The following SAMD5 variants were observed in gnomAD, a reference collection of about 807,000 sequenced individuals.
The protein encoded by SAMD5 is sterile alpha motif domain containing 5.
A neutral mutation model predicts 11.3 loss-of-function variants in SAMD5; 13 were observed. That is an observed-to-expected ratio of 1.15 (90% CI 0.75 to 1.83). SAMD5 has a LOEUF of 1.83. Among genes scored for constraint, SAMD5 ranks in the 40% most tolerant of loss-of-function variants. The pLI, the probability that SAMD5 is intolerant of heterozygous loss-of-function variation, is 0.00. For missense variants in SAMD5, 255 were observed against 239.1 expected (o/e 1.07, Z -0.44); for synonymous variants, 129 against 111.3 (o/e 1.16, Z -1.00).
chr6:147,596,703 T>C (rs1042794061), intron 1 of SAMD5, among the ~76,000 whole-genome samples: 1 of 152,210 alleles, frequency 6.6e-6, no homozygotes, highest in Non-Finnish European at 1.5e-5. Flanking sequence ...CCACACTTCA[T>C]AAACAATATT....
At chr6:147,819,490 G>A in the SAMD5 span, among the ~76,000 whole-genome samples, 148 of 152,342 alleles carry the variant, frequency 9.7e-4, 1 homozygote, top group African/African-American at 3.5e-3. Flanking sequence ...GCTTTTAGCT[G>A]CTACCTTAAT....
chr6:147,631,590 A>C (rs1359924989), intron 1 of SAMD5, among the ~76,000 whole-genome samples: 1 of 152,190 alleles, frequency 6.6e-6, no homozygotes, highest in African/African-American at 2.4e-5. Flanking sequence ...AGAGGTGGGA[A>C]GGCCAAACCG....
At chr6:147,884,449 C>T in the SAMD5 span, among the ~76,000 whole-genome samples, 1 of 152,170 alleles carries the variant, frequency 6.6e-6, no homozygotes, top group Non-Finnish European at 1.5e-5. Context: ...GCCTCAATCT[C>T]AGATATTCTG....
At chr6:147,703,437 C>G (rs746351677) in intron 1 of SAMD5, among the ~76,000 whole-genome samples, 4 of 152,148 alleles carry the variant, frequency 2.6e-5, no homozygotes, top group African/African-American at 9.7e-5. Context: ...CATTTGGTCC[C>G]TATTGTTTGC....
At chr6:147,946,234 C>A in the SAMD5 span, among the ~76,000 whole-genome samples, 1 of 152,182 alleles carries the variant, frequency 6.6e-6, no homozygotes, top group Non-Finnish European at 1.5e-5. Flanking sequence ...TTGTACCTCT[C>A]TTTTGACCAC....
chr6:147,595,090 G>A (rs545960499), intron 1 of SAMD5, among the ~76,000 whole-genome samples: 3 of 152,254 alleles, frequency 2.0e-5, no homozygotes, highest in Admixed American at 1.3e-4. Flanking sequence ...TACTATCTTA[G>A]TACTTGCTGT....
At chr6:147,780,790 T>C in the SAMD5 span, among the ~76,000 whole-genome samples, 1 of 152,218 alleles carries the variant, frequency 6.6e-6, no homozygotes, top group Non-Finnish European at 1.5e-5. Context: ...TGGAAAAATA[T>C]AACAATTTGT....
intron 1 of SAMD5, among the ~76,000 whole-genome samples, chr6:147,534,195 C>T (rs796380324): frequency 1.2e-4 from 18 of 152,288 alleles, no homozygotes; most frequent in South Asian, 2.1e-4. Flanking sequence ...GGCCTGAGGG[C>T]GGTGAGCCCT....
intron 1 of SAMD5, among the ~76,000 whole-genome samples, chr6:147,549,858 G>A (rs774185998): frequency 6.6e-6 from 1 of 151,790 alleles, no homozygotes. Flanking sequence ...CAAACAGTTT[G>A]CTACTTAGAC....
At chr6:147,943,545 C>T in the SAMD5 span, among the ~76,000 whole-genome samples, 1 of 152,084 alleles carries the variant, frequency 6.6e-6, no homozygotes, top group Non-Finnish European at 1.5e-5. Flanking sequence ...TAGCGAACCT[C>T]CTCCCTAGGC....
chr6:147,812,487 C>T, the SAMD5 span, among the ~76,000 whole-genome samples: 1 of 152,096 alleles, frequency 6.6e-6, no homozygotes, highest in East Asian at 1.9e-4. Flanking sequence ...GAAATGCGAG[C>T]CCAGTCATAC....
At chr6:147,655,606 C>G (rs766297220) in intron 1 of SAMD5, among the ~76,000 whole-genome samples, 1 of 151,970 alleles carries the variant, frequency 6.6e-6, no homozygotes, top group African/African-American at 2.4e-5. Flanking sequence ...ATAGGTGGCA[C>G]GACAAATGCT....
the SAMD5 span, among the ~76,000 whole-genome samples, chr6:147,919,469 C>A: frequency 6.6e-6 from 1 of 152,128 alleles, no homozygotes; most frequent in Non-Finnish European, 1.5e-5. Flanking sequence ...CATCAACAGG[C>A]CCCACTGATT....
rs1262449570 is a variant in SAMD5 at position 147,509,192 on chromosome 6, C to T, written c.264C>T (p.Asp88=). The T allele has an allele frequency of 3.1e-6, 4 of 1,294,516 alleles. No homozygotes were observed. In the Middle Eastern group the frequency reaches 8.3e-4, roughly 270 times the overall value. The allele number at this position is 1,294,516 out of a possible 1,614,324, so 80.2% of individuals were successfully genotyped here. Residue 88 remains aspartate (D), a synonymous_variant, in exon 1 of 2, where the codon GAC becomes GAT. Transcript: ENST00000367474. ...CGGCGCCCCCCGGGCCGCCCGCCGA[C>T]GCCGTCCCCACCGGCCGCCGGGGGG... ...PQPAPPGPPA[D]AVPTGRRGEP... is the part of the protein sequence containing the mutation.
the SAMD5 span, among the ~76,000 whole-genome samples, chr6:147,927,419 G>A: frequency 6.6e-6 from 1 of 152,098 alleles, no homozygotes; most frequent in East Asian, 1.9e-4. Flanking sequence ...TATTCTTTCT[G>A]AGGCAATTGT....
At chr6:147,821,285 T>A in the SAMD5 span, among the ~76,000 whole-genome samples, 2 of 152,236 alleles carry the variant, frequency 1.3e-5, no homozygotes, top group Non-Finnish European at 2.9e-5. Flanking sequence ...AAAGGTGCTT[T>A]TTGTTTTGAG....
At chr6:147,552,764 T>A (rs1788794979) in intron 1 of SAMD5, among the ~76,000 whole-genome samples, 1 of 152,234 alleles carries the variant, frequency 6.6e-6, no homozygotes, top group Non-Finnish European at 1.5e-5. Context: ...TAAAAACAAT[T>A]AAAGAGGTCT....
intron 1 of SAMD5, among the ~76,000 whole-genome samples, chr6:147,643,875 C>G (rs2128452654): frequency 6.6e-6 from 1 of 151,838 alleles, no homozygotes; most frequent in South Asian, 2.1e-4. Context: ...GGAAGGGAGG[C>G]AGGAAAGAAA....
the SAMD5 span, among the ~76,000 whole-genome samples, chr6:147,890,960 G>A: frequency 3.9e-3 from 594 of 152,108 alleles, 4 homozygotes; most frequent in African/African-American, 0.013. Context: ...CCGTATTGCA[G>A]AAAATAAAAG....
Sources: allele counts gnomAD v4.1 joint callset (sites outside exome capture counted in the v4.1 genomes callset), GRCh38; gene constraint gnomAD v4.1.1; transcripts MANE v1.5; gene names NCBI Gene and HGNC (gene_info 2026-07-23, HGNC 2026-07-21).